CNBD2: variants seen among roughly 807,000 people sequenced by gnomAD.
CNBD2 encodes cyclic nucleotide-binding domain-containing protein 2.
A neutral mutation model predicts 63.7 loss-of-function variants in CNBD2; 64 were observed. That is an observed-to-expected ratio of 1.00 (90% CI 0.82 to 1.24). CNBD2 has a LOEUF of 1.24. Among genes scored for constraint, CNBD2 ranks in the 50% most tolerant of loss-of-function variants. CNBD2 has a pLI of 0.00. For missense variants in CNBD2, 691 were observed against 713.5 expected (o/e 0.97, Z 0.36); for synonymous variants, 229 against 255.4 (o/e 0.90, Z 0.99).
At chr20:35,963,640 A>AAAAT (rs749658047), upstream of CNBD2, among the ~76,000 whole-genome samples, 1,037 of 152,154 alleles carry the variant, frequency 6.8e-3, 11 homozygotes, top group African/African-American at 0.022. Context: ...CTCTGTCTCA[A>AAAAT]AAATAAATAA....
At chr20:35,987,622 C>T (rs1000623171) in intron 7 of CNBD2, 89 bp downstream of exon 7, 1 of 1,463,238 alleles carries the variant, frequency 6.8e-7, no homozygotes, top group Non-Finnish European at 9.3e-7. Context: ...GAGTTTGAGC[C>T]CTTTTCTGCA....
chr20:35,989,147 TG>T (rs1308723614), intron 7 of CNBD2, among the ~76,000 whole-genome samples: 1 of 152,128 alleles, frequency 6.6e-6, no homozygotes, highest in African/African-American at 2.4e-5. Flanking sequence ...TAAGGTGAAG[TG>T]GTTATCCAAG....
At chr20:35,956,725 T>C (rs6060717), downstream of CNBD2, among the ~76,000 whole-genome samples, 39,614 of 152,084 alleles carry the variant, frequency 0.26, 6,193 homozygotes, top group African/African-American at 0.44. Flanking sequence ...ACTCAGTTTC[T>C]AGGCCTAAGG....
In CNBD2 at chr20:36,030,665, T is replaced by A; in HGVS notation, c.*17T>A. On this transcript the variant is annotated 3_prime_UTR_variant, in exon 12 of 12. Transcript: ENST00000373973. ...TTGGCTTAGTGTAAGAGCACAGGGG[T>A]CCTTATTTAGGACAAATAAAGGATG... 6.2e-7 allele frequency: 1 copy of A among 1,612,556 alleles called. No homozygotes were observed. The highest frequency in any genetic ancestry group is 8.5e-7 in the Non-Finnish European group (1 of 1,179,108).
At chr20:36,013,375 G>A (rs527923268) in intron 10 of CNBD2, among the ~76,000 whole-genome samples, 214 of 152,134 alleles carry the variant, frequency 1.4e-3, no homozygotes, top group Non-Finnish European at 2.3e-3. Flanking sequence ...CAGAGATCGC[G>A]CCACTGCACT....
At position 35,994,008 on chromosome 20, in the gene CNBD2, T is replaced by C. The variant is rs189139282; in HGVS notation, c.856-1030T>C. On this transcript the variant is annotated intron_variant, in intron 7 of 11. Coordinates refer to ENST00000373973, the MANE Select transcript of CNBD2 (RefSeq NM_001365709.1). ...GATTCTCCTGCCTCAGCCTCCTGAG[T>C]AGCTGGGATTACAGGCATGCGCCAC... Among the ~76,000 whole-genome samples, 32 of 151,404 alleles carry C rather than the reference T, an allele frequency of 2.1e-4. No homozygotes were observed. In the East Asian group the frequency reaches 6.2e-3, roughly 29 times the overall value.
At chr20:36,013,726 G>T (rs998497056) in intron 10 of CNBD2, among the ~76,000 whole-genome samples, 2 of 152,166 alleles carry the variant, frequency 1.3e-5, no homozygotes, top group African/African-American at 4.8e-5. Flanking sequence ...TCAGTAAATG[G>T]ATGGCAGAGG....
intron 8 of CNBD2, among the ~76,000 whole-genome samples, chr20:36,007,215 A>G (rs1042889635): frequency 6.6e-6 from 1 of 152,060 alleles, no homozygotes; most frequent in African/African-American, 2.4e-5. Flanking sequence ...TAAATAAATA[A>G]ATAAGATCAT....
chr20:36,014,188 A>T (rs1165562410), intron 10 of CNBD2, among the ~76,000 whole-genome samples: 2 of 151,574 alleles, frequency 1.3e-5, no homozygotes, highest in Non-Finnish European at 2.9e-5. Flanking sequence ...ATCTCAAAAA[A>T]AAAAAAAGGA....
At chr20:35,993,992 G>A (rs2147270018) in intron 7 of CNBD2, among the ~76,000 whole-genome samples, 1 of 149,202 alleles carries the variant, frequency 6.7e-6, no homozygotes, top group South Asian at 2.1e-4. Context: ...CGATTCTCCT[G>A]CCTCAGCCTC....
At chr20:36,016,788 CA>C (rs534778243) in intron 10 of CNBD2, among the ~76,000 whole-genome samples, 2,710 of 62,810 alleles carry the variant, frequency 0.043, 20 homozygotes, top group African/African-American at 0.064. Context: ...GACTCTGTCT[CA>C]AAAAAAAAAA....
exon 1 of CNBD2, chr20:35,955,024 A>G (rs1310989738): frequency 5.7e-6 from 1 of 176,346 alleles, no homozygotes; most frequent in East Asian, 1.9e-4. Context: ...TCTGGCGCGA[A>G]GGAGATGCTC....
At chr20:36,012,405 G>T (rs2147335503) in intron 10 of CNBD2, among the ~76,000 whole-genome samples, 1 of 151,770 alleles carries the variant, frequency 6.6e-6, no homozygotes, top group Non-Finnish European at 1.5e-5. Flanking sequence ...TTGAACTCAG[G>T]AGGCAGAGGT....
upstream of CNBD2, among the ~76,000 whole-genome samples, chr20:35,966,849 C>A (rs1008616430): frequency 3.3e-5 from 5 of 152,164 alleles, no homozygotes; most frequent in Non-Finnish European, 5.9e-5. Flanking sequence ...CTTTTTAAAT[C>A]ATCTTTTTCT....
At chr20:36,029,435 C>T (rs559246495) in intron 11 of CNBD2, among the ~76,000 whole-genome samples, 2 of 152,230 alleles carry the variant, frequency 1.3e-5, no homozygotes, top group African/African-American at 4.8e-5. Context: ...GTTTAACAAC[C>T]AGCTCTCCAA....
At chr20:35,988,689 T>C (rs981313257) in intron 7 of CNBD2, among the ~76,000 whole-genome samples, 3 of 152,092 alleles carry the variant, frequency 2.0e-5, no homozygotes, top group African/African-American at 4.8e-5. Flanking sequence ...GAGACAGAGA[T>C]TGGACTCAAC....
chr20:36,008,527 G>A, intron 9 of CNBD2, 53 bp downstream of exon 9: 3 of 1,524,096 alleles, frequency 2.0e-6, no homozygotes, highest in South Asian at 1.2e-5. Context: ...TGCAAAGGGA[G>A]ATAATACTTA....
chr20:36,022,989 A>AAAAAC (rs1177289294), intron 10 of CNBD2, among the ~76,000 whole-genome samples: 32 of 152,336 alleles, frequency 2.1e-4, no homozygotes, highest in African/African-American at 5.8e-4. Context: ...AAACAAAAAC[A>AAAAAC]AAAACAAAAC....
intron 11 of CNBD2, among the ~76,000 whole-genome samples, chr20:36,029,654 G>A (rs933396558): frequency 6.6e-6 from 1 of 152,186 alleles, no homozygotes; most frequent in Non-Finnish European, 1.5e-5. Context: ...TGACCTCTGA[G>A]TTTTTTCTTA....
Sources: gnomAD v4.1 joint callset for allele counts (sites outside exome capture counted in the v4.1 genomes callset) on GRCh38, gnomAD v4.1.1 for gene constraint, MANE v1.5 for transcripts, NCBI Gene and HGNC (gene_info 2026-07-23, HGNC 2026-07-21) for gene names.